ACAN: variants seen among roughly 807,000 people sequenced by gnomAD.
ACAN encodes the protein aggrecan core protein.
A neutral mutation model predicts 169.1 loss-of-function variants in ACAN; 47 were observed. That is an observed-to-expected ratio of 0.28 (90% CI 0.22 to 0.35). The LOEUF (loss-of-function observed/expected upper bound fraction) is 0.35, where lower values mean the gene tolerates loss of function less well. Ranked by LOEUF, ACAN falls within the 10% of genes least tolerant of loss-of-function variation. The probability of loss-of-function intolerance (pLI) is 1.00; values close to 1 mark genes in which losing one functional copy is unlikely to be tolerated. For synonymous variants in ACAN, 1,115 were observed against 1,112.2 expected (o/e 1.00, Z -0.05); for missense variants, 2,716 against 2,759.9 (o/e 0.98, Z 0.36).
Position 88,848,076 on chromosome 15 carries a change from G to A in ACAN, c.1732+38G>A, listed in dbSNP as rs370615131. 6.2e-6 allele frequency: 10 copies of A among 1,604,490 alleles called. No individual in the cohort carries two copies. In the African/African-American group the frequency reaches 9.4e-5, roughly 15 times the overall value. ...TTCTCACATTTCGGGCCCTAGATGG[G>A]CAGGGGGTGGGCAGGGAGCTGACAG... On this transcript the variant is annotated intron_variant, in intron 9 of 18. Transcript: ENST00000560601.
In ACAN at chr15:88,849,896, C is replaced by T. The variant is rs1206368520; in HGVS notation, c.2026+165C>T. ...AAACCAGCACAACGCAGGCTTTGAC[C>T]CCAAGGCAAGGTCATCCTTCTAAAG... On this transcript the variant is annotated intron_variant, in intron 10 of 18. Transcript: ENST00000560601. The surrounding 1 kb of genome is among the most constrained non-coding windows in gnomAD (Gnocchi z 5.1). The T allele has an allele frequency of 3.6e-5, 36 of 1,012,260 alleles. No homozygotes were observed. Among genetic ancestry groups the T allele is most frequent in the Non-Finnish European group, 4.9e-5 (33 of 666,950 alleles). The allele number at this position is 1,012,260 out of a possible 1,614,324, so 62.7% of individuals were successfully genotyped here.
chr15:88,828,280 A>G (rs1896275486), intron 1 of ACAN, among the ~76,000 whole-genome samples: 2 of 152,184 alleles, frequency 1.3e-5, no homozygotes, highest in African/African-American at 4.8e-5. Flanking sequence ...CTAGCCCCAG[A>G]TTCAAATAGG....
chr15:88,812,181 T>G (rs959292422), intron 1 of ACAN, among the ~76,000 whole-genome samples: 5 of 152,068 alleles, frequency 3.3e-5, no homozygotes, highest in African/African-American at 1.2e-4. Flanking sequence ...TGCCCTCTTC[T>G]CTGGATCTGC....
rs1855916476 is a variant in ACAN, at chr15:88,868,651, G to A, written c.7060+322G>A. Among the ~76,000 whole-genome samples the A allele has an allele frequency of 6.6e-6, 1 of 152,218 alleles. No individual in the cohort carries two copies. ...CTGATTCTGAGCACTTGTCTTGAAG[G>A]AAGCTATGGGGTGGGAGTAATTGGT... is the stretch of plus-strand genomic sequence containing the variant. On this transcript the variant is annotated intron_variant, in intron 14 of 18. Transcript: ENST00000560601. This position sits in a 1 kb window ranked among gnomAD's most constrained non-coding sequence, Gnocchi z 5.2.
At chr15:88,821,517 C>A (rs1896075459) in intron 1 of ACAN, among the ~76,000 whole-genome samples, 2 of 152,200 alleles carry the variant, frequency 1.3e-5, no homozygotes, top group Admixed American at 6.5e-5. Context: ...GCTGGTCCAT[C>A]TATAGTTCCC....
At chr15:88,841,669 A>C in intron 4 of ACAN, 71 bp from the exon 5 acceptor site, 1 of 1,586,414 alleles carries the variant, frequency 6.3e-7, no homozygotes, top group South Asian at 1.1e-5. Context: ...CGGGAGGAGG[A>C]TTCAAAGGCA....
Position 88,856,844 on chromosome 15 carries a change from A to G in ACAN, c.4259A>G (p.Glu1420Gly), listed in dbSNP as rs772953212. The change falls in exon 12 of 19, where the codon GAG becomes GGG. Residue 1420 changes from glutamate (E) to glycine (G), a missense_variant. Physicochemically the swap from Glu to Gly is moderately conservative, Grantham distance 98. Transcript: ENST00000560601. The stretch of plus-strand genomic sequence containing the variant: ...GGGCTTCCTTCTGGAGAAGTTCTAG[A>G]GACTACTGCCCCTGGAGTAGATGAG... The part of the protein sequence containing the change: ...ISGLPSGEVL[E>G]TTAPGVDEIS... 1.5e-5 allele frequency: 24 copies of G among 1,567,996 alleles called. No homozygotes were observed. In the East Asian group the frequency reaches 5.5e-4, roughly 36 times the overall value.
At chr15:88,860,077 T>C (rs1296420154) in intron 12 of ACAN, among the ~76,000 whole-genome samples, 1 of 140,644 alleles carries the variant, frequency 7.1e-6, no homozygotes, top group Admixed American at 6.8e-5. Flanking sequence ...TTTTCCTTTT[T>C]TTTTTTTTTT....
intron 1 of ACAN, among the ~76,000 whole-genome samples, chr15:88,812,281 G>A (rs1895840637): frequency 6.6e-6 from 1 of 152,160 alleles, no homozygotes; most frequent in South Asian, 2.1e-4. Flanking sequence ...TTCAGCGGTT[G>A]GAAAACAGGA....
intron 1 of ACAN, among the ~76,000 whole-genome samples, chr15:88,815,077 G>A (rs1011069826): frequency 7.9e-5 from 12 of 151,720 alleles, no homozygotes; most frequent in East Asian, 1.9e-4. Context: ...ACAGAAATCC[G>A]GAAAAAACAT....
In ACAN at chr15:88,857,976, G is replaced by A. The variant is rs1897099069; in HGVS notation, c.5391G>A (p.Gly1797=). Residue 1797 remains glycine, a synonymous_variant, in exon 12 of 19, where the codon GGG becomes GGA. Transcript: ENST00000560601. ...CATCTGGGGTCCCTGATCTCAGTGGGCAGCCTTCAGGGTTACCAGGGTTCA... is the reference window on the plus strand; with the variant it reads ...CATCTGGGGTCCCTGATCTCAGTGGACAGCCTTCAGGGTTACCAGGGTTCA... ...GETSGVPDLS[G]QPSGLPGFSG... is the part of the protein sequence containing the mutation. The A allele has an allele frequency of 1.9e-6, 3 of 1,613,926 alleles. No individual in the cohort carries two copies. The highest frequency in any genetic ancestry group is 2.5e-6 in the Non-Finnish European group (3 of 1,179,890).
At chr15:88,813,822 C>A (rs1436996993) in intron 1 of ACAN, among the ~76,000 whole-genome samples, 2 of 152,150 alleles carry the variant, frequency 1.3e-5, no homozygotes, top group Non-Finnish European at 2.9e-5. Flanking sequence ...CAGTGAGCAC[C>A]TCTTCTCAGC....
rs1201362860 is a variant in ACAN at position 88,847,266 on chromosome 15, G to C, written c.1453G>C (p.Gly485Arg). 6.4e-7 allele frequency: 1 copy of C among 1,561,246 alleles called. No individual in the cohort carries two copies. The highest frequency in any genetic ancestry group is 8.7e-7 in the Non-Finnish European group (1 of 1,154,032). Residue 485 changes from glycine to arginine, a missense_variant, in exon 8 of 19, where the codon GGA (glycine) becomes CGA (arginine). Transcript: ENST00000560601. ...AGGGGTCGTCTTCCACTACCGCCCG[G>C]GACCCACCCGCTACTCGCTGACCTT... is the stretch of plus-strand genomic sequence containing the variant. ...PGGVVFHYRP[G>R]PTRYSLTFEE... is the part of the protein sequence containing the mutation.
In ACAN at chr15:88,861,418, C is replaced by T. The variant is rs1897191468; in HGVS notation, c.6946+979C>T. ...GGCAATTATCCTTCGATAGCCTTTA[C>T]ATCAAACACAGAGAAGAATTCTGTG... is the stretch of plus-strand genomic sequence containing the variant. On this transcript the variant is annotated intron_variant, in intron 13 of 18. Transcript: ENST00000560601. The surrounding 1 kb of genome is among the most constrained non-coding windows in gnomAD (Gnocchi z 6.3). 6.6e-6 allele frequency among the ~76,000 whole-genome samples: 1 copy of T among 152,116 alleles called. No individual in the cohort carries two copies. The highest frequency in any genetic ancestry group is 6.6e-5 in the Admixed American group (1 of 15,264).
chr15:88,841,361 C>CT (rs1896656240), intron 4 of ACAN, among the ~76,000 whole-genome samples: 1 of 152,226 alleles, frequency 6.6e-6, no homozygotes. Context: ...CCCCTTGCTT[C>CT]TGTAAATAAA....
At chr15:88,837,692 G>A (rs1896539050) in intron 2 of ACAN, among the ~76,000 whole-genome samples, 1 of 152,206 alleles carries the variant, frequency 6.6e-6, no homozygotes, top group Non-Finnish European at 1.5e-5. Flanking sequence ...GGAGGAAGAT[G>A]CCTGTGGAAG....
At chr15:88,819,752 C>A (rs1896028465) in intron 1 of ACAN, among the ~76,000 whole-genome samples, 4 of 151,966 alleles carry the variant, frequency 2.6e-5, no homozygotes, top group Admixed American at 1.3e-4. Context: ...GGTGACACAG[C>A]AAGACCCTAT....
intron 1 of ACAN, among the ~76,000 whole-genome samples, chr15:88,809,418 TG>T (rs1013891673): frequency 2.0e-5 from 3 of 152,178 alleles, no homozygotes; most frequent in Admixed American, 1.3e-4. Flanking sequence ...CCTGCCCTCA[TG>T]GGCCAAGATC....
At chr15:88,817,849 GAAAAA>G (rs10710630) in intron 1 of ACAN, among the ~76,000 whole-genome samples, 4 of 73,404 alleles carry the variant, frequency 5.4e-5, no homozygotes, top group African/African-American at 1.1e-4. Flanking sequence ...GTGAGACTCT[GAAAAA>G]AAAAAAAAAA....
Sources: gnomAD v4.1 joint callset for allele counts (sites outside exome capture counted in the v4.1 genomes callset) on GRCh38, gnomAD v4.1.1 for gene constraint, Gnocchi (gnomAD v3.1) non-coding constraint, MANE v1.5 for transcripts, NCBI Gene and HGNC (gene_info 2026-07-23, HGNC 2026-07-21) for gene names.